The following DAB1 variants were observed in gnomAD, a reference collection of about 807,000 sequenced individuals.
DAB1 encodes the protein DAB adaptor protein 1, also known as disabled homolog 1.
DAB1 carries 15 observed loss-of-function variants against 64.6 expected under a neutral mutation model. The observed-to-expected ratio is 0.23, with a 90% CI of 0.16 to 0.36. The LOEUF is 0.36. Ranked by LOEUF, DAB1 falls within the 10% of genes least tolerant of loss-of-function variation. The pLI, the probability that DAB1 is intolerant of heterozygous loss-of-function variation, is 1.00. For missense variants in DAB1, 596 were observed against 706.7 expected (o/e 0.84, Z 1.78); for synonymous variants, 235 against 251.9 (o/e 0.93, Z 0.64).
rs71580866 is a variant in DAB1 at position 58,433,596 on chromosome 1, A to AGTGTGT, written n.257+72458_257+72463dup. 6.5e-4 allele frequency among the ~76,000 whole-genome samples: 52 copies of AGTGTGT among 79,844 alleles called. 1 individual carries two copies. Among genetic ancestry groups the AGTGTGT allele is most frequent in the South Asian group, 3.0e-3 (6 of 2,014 alleles). 52.4% of individuals were successfully genotyped at this position (79,844 alleles called of 152,430 possible). A position where few individuals can be genotyped will look rare whatever the true frequency, so the allele number is the denominator to read the frequency against. Reference sequence around the variant, plus strand: ...GAGAGAGAGAGAGAGAGAGAGAGAGAGTGTGTGTGTGTGTGTGTGTGTGTT... The same window carrying AGTGTGT: ...GAGAGAGAGAGAGAGAGAGAGAGAGAGTGTGTGTGTGTGTGTGTGTGTGTGTGTGTT... On this transcript the variant is annotated intron_variant and non_coding_transcript_variant, in intron 3 of 20. Transcript: ENST00000485760.
At chr1:58,026,529 C>A (rs1646897511) in intron 5 of DAB1, among the ~76,000 whole-genome samples, 1 of 152,182 alleles carries the variant, frequency 6.6e-6, no homozygotes, top group South Asian at 2.1e-4. Context: ...ATAAGCTATA[C>A]TTGTTATTGG....
At chr1:57,021,045 T>G (rs993083491) in intron 11 of DAB1, among the ~76,000 whole-genome samples, 1 of 152,200 alleles carries the variant, frequency 6.6e-6, no homozygotes, top group African/African-American at 2.4e-5. Context: ...ACAGAAATTT[T>G]TATGGCCAGT....
intron 6 of DAB1, among the ~76,000 whole-genome samples, chr1:57,803,574 A>G (rs376779920): frequency 1.3e-5 from 2 of 152,352 alleles, no homozygotes; most frequent in Admixed American, 6.5e-5. Context: ...TCTAAGATTT[A>G]AATGGTTGTT....
intron 6 of DAB1, among the ~76,000 whole-genome samples, chr1:57,737,640 G>A (rs955888039): frequency 1.3e-5 from 2 of 152,180 alleles, no homozygotes; most frequent in African/African-American, 4.8e-5. Flanking sequence ...TGAGTGGAAG[G>A]CTTCCTGGAG....
At chr1:57,996,785 T>C (rs1262553006) in intron 5 of DAB1, among the ~76,000 whole-genome samples, 1 of 152,202 alleles carries the variant, frequency 6.6e-6, no homozygotes, top group Middle Eastern at 3.2e-3. Context: ...GATTTTAGCA[T>C]GTAATTATTT....
At chr1:57,882,015 T>C (rs1344593887) in intron 1 of DAB1, among the ~76,000 whole-genome samples, 5 of 152,174 alleles carry the variant, frequency 3.3e-5, no homozygotes, top group Non-Finnish European at 1.5e-5. Context: ...ATAGCTGTGG[T>C]TGGGTTTTAA....
intron 5 of DAB1, among the ~76,000 whole-genome samples, chr1:57,939,403 T>C (rs1353030539): frequency 1.3e-5 from 2 of 152,236 alleles, no homozygotes; most frequent in African/African-American, 2.4e-5. Flanking sequence ...AAGAACTATC[T>C]GAGATGAGCT....
rs367597447 is a variant in DAB1, at chr1:57,983,939, T to C, written n.388-99777A>G. 1.4e-3 allele frequency among the ~76,000 whole-genome samples: 210 copies of C among 152,164 alleles called. 8 individuals are homozygous for C. The South Asian group carries it at 0.041, about 30-fold the overall frequency. ...AATAGTGCTATTTGTGTAAAGAAGA[T>C]GCTGCTCATACCCAATGTATAAAAA... On this transcript the variant is annotated intron_variant and non_coding_transcript_variant, in intron 5 of 20. Coordinates refer to the DAB1 transcript ENST00000485760.
intron 3 of DAB1, among the ~76,000 whole-genome samples, chr1:58,396,816 A>G (rs1644526717): frequency 6.6e-6 from 1 of 152,192 alleles, no homozygotes. Context: ...TAATCCCAGC[A>G]CTTTGGGAGG....
At chr1:58,209,192 G>A (rs574421585) in intron 4 of DAB1, among the ~76,000 whole-genome samples, 63 of 152,188 alleles carry the variant, frequency 4.1e-4, no homozygotes, top group Non-Finnish European at 8.8e-4. Flanking sequence ...GATTTGCTAG[G>A]AAATGAGGCT....
intron 2 of DAB1, among the ~76,000 whole-genome samples, chr1:58,510,706 T>C (rs572524384): frequency 6.6e-6 from 1 of 152,052 alleles, no homozygotes; most frequent in African/African-American, 2.4e-5. Flanking sequence ...TATGATCTTA[T>C]AAGTAGAAAA....
At chr1:57,611,421 G>C (rs1179928317) in intron 7 of DAB1, among the ~76,000 whole-genome samples, 1 of 152,152 alleles carries the variant, frequency 6.6e-6, no homozygotes, top group African/African-American at 2.4e-5. Context: ...TAAGGCAAAG[G>C]CTGATTATAT....
intron 2 of DAB1, among the ~76,000 whole-genome samples, chr1:58,526,793 G>C (rs1410831636): frequency 6.6e-6 from 1 of 152,080 alleles, no homozygotes; most frequent in Non-Finnish European, 1.5e-5. Context: ...TTAGATCAGA[G>C]AAGCAAGGGG....
At position 57,616,491 on chromosome 1, in the gene DAB1, A is replaced by G. The variant is rs184174699; in HGVS notation, n.625+33101T>C. On this transcript the variant is annotated intron_variant and non_coding_transcript_variant, in intron 7 of 20. Coordinates refer to the DAB1 transcript ENST00000485760. ...TAGTAAACACTCAACAGACAGTTGA[A>G]TGAAAGACTATTTAACATGACACAA... Among the ~76,000 whole-genome samples, 9 of 152,296 alleles carry G rather than the reference A, an allele frequency of 5.9e-5. No individual in the cohort carries two copies. The East Asian group carries it at 1.7e-3, about 29-fold the overall frequency.
intron 2 of DAB1, among the ~76,000 whole-genome samples, chr1:57,278,672 A>C (rs575954458): frequency 5.9e-5 from 9 of 152,260 alleles, no homozygotes; most frequent in Admixed American, 2.0e-4. Flanking sequence ...GAGAGAGGGG[A>C]ACTTCTTCCA....
chr1:58,116,023 A>G (rs1477168535), intron 5 of DAB1, among the ~76,000 whole-genome samples: 5 of 151,520 alleles, frequency 3.3e-5, no homozygotes, highest in Admixed American at 6.6e-5. Context: ...ATTCATCTAT[A>G]CAAAAAAAAT....
At chr1:57,444,179 T>C (rs1686053434) in intron 7 of DAB1, among the ~76,000 whole-genome samples, 2 of 152,128 alleles carry the variant, frequency 1.3e-5, no homozygotes, top group Admixed American at 6.5e-5. Context: ...AGGCACCTAC[T>C]CTTATAAACT....
At chr1:57,542,340 G>C (rs1293031232) in intron 7 of DAB1, among the ~76,000 whole-genome samples, 1 of 151,706 alleles carries the variant, frequency 6.6e-6, no homozygotes, top group Non-Finnish European at 1.5e-5. Flanking sequence ...GTGCTGAGGA[G>C]CCTGTTACCA....
At chr1:58,035,400 C>T (rs530746298) in intron 5 of DAB1, among the ~76,000 whole-genome samples, 3 of 152,206 alleles carry the variant, frequency 2.0e-5, no homozygotes, top group African/African-American at 4.8e-5. Context: ...CAGCAATGGA[C>T]GACCAAACTC....
Sources: gnomAD v4.1 joint callset for allele counts (sites outside exome capture counted in the v4.1 genomes callset) on GRCh38, gnomAD v4.1.1 for gene constraint, MANE v1.5 for transcripts, NCBI Gene and HGNC (gene_info 2026-07-23, HGNC 2026-07-21) for gene names.